NT5DC3: variants seen among roughly 807,000 people sequenced by gnomAD.
NT5DC3 encodes 5'-nucleotidase domain containing 3, also known as 5'-nucleotidase domain-containing protein 3.
A neutral mutation model predicts 67.8 loss-of-function variants in NT5DC3; 42 were observed. The ratio of observed to expected loss-of-function variants is 0.62; its 90% CI spans 0.48 to 0.80. The LOEUF (loss-of-function observed/expected upper bound fraction) is 0.80, where lower values mean the gene tolerates loss of function less well. NT5DC3 is among the 30% of genes least tolerant of loss of function. The pLI, the probability that NT5DC3 is intolerant of heterozygous loss-of-function variation, is 0.00. For synonymous variants in NT5DC3, 237 were observed against 255.6 expected (o/e 0.93, Z 0.69); for missense variants, 570 against 696.4 (o/e 0.82, Z 2.04).
the NT5DC3 span, among the ~76,000 whole-genome samples, chr12:103,762,005 G>A: frequency 2.0e-5 from 3 of 152,130 alleles, no homozygotes; most frequent in Admixed American, 6.5e-5. Context: ...CCACTGACTG[G>A]CTGTGTGATA....
intron 12 of NT5DC3, among the ~76,000 whole-genome samples, chr12:103,783,874 G>T (rs1885658539): frequency 6.6e-6 from 1 of 151,738 alleles, no homozygotes; most frequent in Non-Finnish European, 1.5e-5. Flanking sequence ...ATGACCAGCT[G>T]CCAGGGTCAC....
At chr12:103,780,971 T>TA (rs34011105) in intron 12 of NT5DC3, among the ~76,000 whole-genome samples, 14,034 of 144,038 alleles carry the variant, frequency 0.097, 911 homozygotes, top group East Asian at 0.36. Flanking sequence ...GTGTTTAATT[T>TA]AAAAAAACAA....
the NT5DC3 span, among the ~76,000 whole-genome samples, chr12:103,756,875 T>C: frequency 1.3e-5 from 2 of 151,682 alleles, no homozygotes; most frequent in Non-Finnish European, 2.9e-5. Flanking sequence ...CCCACACTAA[T>C]CTTTCTGCTG....
At chr12:103,758,421 T>C in the NT5DC3 span, 4 of 1,452,144 alleles carry the variant, frequency 2.8e-6, no homozygotes, top group Non-Finnish European at 3.7e-6. Flanking sequence ...TGCAGATCAG[T>C]TGGCCACTCC....
chr12:103,764,753 A>G, the NT5DC3 span, among the ~76,000 whole-genome samples: 1 of 152,124 alleles, frequency 6.6e-6, no homozygotes, highest in Non-Finnish European at 1.5e-5. Context: ...CCAGATTGCA[A>G]ATCATATTTT....
chr12:103,760,975 G>C, the NT5DC3 span, among the ~76,000 whole-genome samples: 243 of 142,978 alleles, frequency 1.7e-3, 1 homozygote, highest in Middle Eastern at 7.0e-3. Flanking sequence ...TCAGTGCATG[G>C]ACGCAGCGTC....
At chr12:103,762,399 T>A in the NT5DC3 span, 1 of 1,614,200 alleles carries the variant, frequency 6.2e-7, no homozygotes. Context: ...TCCAGCATTT[T>A]GAGGTAAGAG....
chr12:103,830,526 C>T (rs925151661), intron 1 of NT5DC3, among the ~76,000 whole-genome samples: 4 of 152,180 alleles, frequency 2.6e-5, no homozygotes, highest in Admixed American at 6.6e-5. Context: ...TGACCTCTCA[C>T]GCTATCAGTC....
chr12:103,804,101 A>G (rs1886699784), intron 4 of NT5DC3, among the ~76,000 whole-genome samples: 1 of 152,068 alleles, frequency 6.6e-6, no homozygotes, highest in Non-Finnish European at 1.5e-5. Context: ...AACCCTTATA[A>G]CAGTGCCTGT....
At chr12:103,833,286 A>T (rs910303003) in intron 1 of NT5DC3, among the ~76,000 whole-genome samples, 2 of 152,220 alleles carry the variant, frequency 1.3e-5, no homozygotes, top group Non-Finnish European at 2.9e-5. Context: ...AGCTTCTTTA[A>T]CATGTATTTT....
the NT5DC3 span, among the ~76,000 whole-genome samples, chr12:103,760,457 T>G: frequency 4.6e-5 from 7 of 152,174 alleles, no homozygotes; most frequent in African/African-American, 1.7e-4. Context: ...GATGGGGTTT[T>G]GCCATGTTGG....
At chr12:103,792,960 C>A (rs1263567080) in intron 9 of NT5DC3, among the ~76,000 whole-genome samples, 1 of 152,230 alleles carries the variant, frequency 6.6e-6, no homozygotes, top group East Asian at 1.9e-4. Flanking sequence ...TCAAGTTGAA[C>A]TGAGAACCCT....
At chr12:103,835,220 G>T (rs1888096861) in intron 1 of NT5DC3, among the ~76,000 whole-genome samples, 1 of 152,144 alleles carries the variant, frequency 6.6e-6, no homozygotes, top group African/African-American at 2.4e-5. Context: ...CTTGTTGGAT[G>T]AACTCAAGCT....
the NT5DC3 span, chr12:103,755,390 G>A: frequency 1.2e-6 from 2 of 1,614,164 alleles, no homozygotes; most frequent in Non-Finnish European, 1.7e-6. Flanking sequence ...TGTGGCTCTG[G>A]TGTGGTTGGG....
chr12:103,836,276 C>G lies in NT5DC3; in HGVS notation c.208+4673G>C, dbSNP rs976815620. Among the ~76,000 whole-genome samples, 14 of 152,332 alleles carry G rather than the reference C, an allele frequency of 9.2e-5. 1 individual carries two copies. The highest frequency in any genetic ancestry group is 2.0e-4 in the Admixed American group (3 of 15,294). ...TAACTCATTTCAGCACTAACCATAA[C>G]TCCACAGTCCAAAGTCTCATCTAAG... On this transcript the variant is annotated intron_variant, in intron 1 of 13. Transcript: ENST00000392876.
chr12:103,761,449 C>G, the NT5DC3 span: 1 of 1,567,706 alleles, frequency 6.4e-7, no homozygotes. Flanking sequence ...CCAGGAGGAG[C>G]CCCGGTGCCC....
At chr12:103,759,159 C>T in the NT5DC3 span, 91 of 1,614,186 alleles carry the variant, frequency 5.6e-5, no homozygotes, top group African/African-American at 1.1e-3. Flanking sequence ...ACATCGAGCA[C>T]CACCTCGCCA....
At chr12:103,827,610 A>C (rs1887748813) in intron 1 of NT5DC3, among the ~76,000 whole-genome samples, 2 of 152,214 alleles carry the variant, frequency 1.3e-5, no homozygotes, top group Non-Finnish European at 2.9e-5. Context: ...AGGTTTATAC[A>C]TCATTATCTT....
intron 2 of NT5DC3, among the ~76,000 whole-genome samples, chr12:103,812,939 C>G (rs925596791): frequency 1.3e-5 from 2 of 152,294 alleles, no homozygotes; most frequent in Non-Finnish European, 2.9e-5. Context: ...ACTGTTACTA[C>G]GCCCATTTTA....
Sources: gnomAD v4.1 joint callset for allele counts (sites outside exome capture counted in the v4.1 genomes callset) on GRCh38, gnomAD v4.1.1 for gene constraint, MANE v1.5 for transcripts, NCBI Gene and HGNC (gene_info 2026-07-23, HGNC 2026-07-21) for gene names.